ZNF462: variants seen among roughly 807,000 people sequenced by gnomAD.
The protein encoded by ZNF462 is zinc finger protein 462.
Under a neutral mutation model 201.9 loss-of-function variants are expected in ZNF462, and 10 were observed. That is an observed-to-expected ratio of 0.05 (90% CI 0.03 to 0.08). The LOEUF is 0.08. Ranked by LOEUF, ZNF462 falls within the 10% of genes least tolerant of loss-of-function variation. The pLI is 1.00. For missense variants in ZNF462, 2,523 were observed against 3,168.3 expected, an observed-to-expected ratio of 0.80 and a Z score of 4.89; for synonymous variants, 1,227 against 1,193.3, an observed-to-expected ratio of 1.03 and a Z score of -0.58.
Position 106,954,246 on chromosome 9 carries a change from T to C in ZNF462, c.6427+15139T>C, listed in dbSNP as rs1046338993. Among the ~76,000 whole-genome samples the C allele has an allele frequency of 6.6e-5, 10 of 152,160 alleles. No homozygotes were observed. The highest frequency in any genetic ancestry group is 1.2e-4 in the Non-Finnish European group (8 of 67,996). On this transcript the variant is annotated intron_variant, in intron 7 of 12. Transcript: ENST00000277225. This position sits in a 1 kb window ranked among gnomAD's most constrained non-coding sequence, Gnocchi z 4.0. The stretch of plus-strand genomic sequence containing the variant: ...GGCTAGGGAGGCCTCAGGAAACTTA[T>C]AATCAAGGTGGAAGGCAAAGGGGGA...
chr9:106,973,406 G>T (rs1826741578), intron 8 of ZNF462, among the ~76,000 whole-genome samples: 1 of 152,146 alleles, frequency 6.6e-6, no homozygotes. Flanking sequence ...ATTTGCTCCA[G>T]TTACTTTTCA....
intron 1 of ZNF462, among the ~76,000 whole-genome samples, chr9:106,898,061 G>C: frequency 6.6e-6 from 1 of 152,148 alleles, no homozygotes; most frequent in East Asian, 1.9e-4. Flanking sequence ...TTCTCAAAAG[G>C]GATGCATGTT....
intron 10 of ZNF462, among the ~76,000 whole-genome samples, chr9:106,991,839 T>TCTAC (rs941555040): frequency 7.3e-6 from 1 of 136,260 alleles, no homozygotes; most frequent in African/African-American, 2.8e-5. Context: ...CAGCACTCTC[T>TCTAC]ACACACACAC....
chr9:106,925,932 A>G lies in ZNF462; in HGVS notation c.2020A>G (p.Lys674Glu). 1.2e-6 allele frequency: 2 copies of G among 1,614,196 alleles called. No individual in the cohort carries two copies. The highest frequency in any genetic ancestry group is 1.7e-6 in the Non-Finnish European group (2 of 1,180,024). ...GLSSKNNFVA[K>E]ASRKLANDFP... ...GTCCTCCAAGAACAATTTTGTAGCT[A>G]AAGCCTCTAGGAAGCTCGCCAATGA... Residue 674 changes from lysine to glutamate, a missense_variant, in exon 3 of 13, where the codon AAA becomes GAA. Transcript: ENST00000277225. This position sits in a 1 kb window ranked among gnomAD's most constrained non-coding sequence, Gnocchi z 7.9.
Position 106,928,644 on chromosome 9 carries a change from C to T in ZNF462, c.4732C>T (p.Arg1578Trp), listed in dbSNP as rs377514640. 2.5e-6 allele frequency: 4 copies of T among 1,614,140 alleles called. No homozygotes were observed. The highest frequency in any genetic ancestry group is 1.1e-5 in the South Asian group (1 of 91,074). The change falls in exon 3 of 13, where the codon CGG (arginine) becomes TGG (tryptophan). Residue 1578 changes from arginine (R) to tryptophan (W), a missense_variant. By Grantham distance (101) the Arg-to-Trp change is moderately radical. Coordinates refer to ENST00000277225, the MANE Select transcript of ZNF462 (RefSeq NM_021224.6). The surrounding 1 kb of genome is among the most constrained non-coding windows in gnomAD (Gnocchi z 9.3). ...RIFKQGYGAY[R>W]CKLCPYTHGT... ...CTTCAAGCAAGGGTATGGCGCCTAC[C>T]GGTGCAAACTGTGTCCGTACACACA...
At chr9:106,979,787 T>G (rs2132179449) in intron 9 of ZNF462, among the ~76,000 whole-genome samples, 1 of 152,312 alleles carries the variant, frequency 6.6e-6, no homozygotes, top group Middle Eastern at 3.4e-3. Flanking sequence ...ACATCCATAG[T>G]GAGCCTTAAA....
chr9:106,904,166 T>C (rs1364018376), intron 1 of ZNF462, among the ~76,000 whole-genome samples: 1 of 106,436 alleles, frequency 9.4e-6, no homozygotes, highest in Non-Finnish European at 2.1e-5. Flanking sequence ...TGAAAACAAG[T>C]GTATCTTTCC....
chr9:106,940,113 G>T (rs1005907204), intron 7 of ZNF462, among the ~76,000 whole-genome samples: 1 of 152,182 alleles, frequency 6.6e-6, no homozygotes, highest in Non-Finnish European at 1.5e-5. Context: ...TTCTCTCGAT[G>T]ATGGTCACGT....
Position 107,003,361 on chromosome 9 carries a change from T to C in ZNF462, c.7124T>C (p.Met2375Thr), listed in dbSNP as rs775676055. The C allele has an allele frequency of 2.5e-6, 4 of 1,613,720 alleles. No individual in the cohort carries two copies. The highest frequency in any genetic ancestry group is 3.4e-6 in the Non-Finnish European group (4 of 1,179,882). Residue 2375 changes from methionine to threonine, a missense_variant, in exon 11 of 13, where the codon ATG becomes ACG. By Grantham distance (81) the Met-to-Thr change is moderately conservative (BLOSUM62 -1). This residue lies in a region of ZNF462 where 228 missense variants were observed against 361.2 expected (regional missense o/e 0.63). Coordinates refer to ENST00000277225, the MANE Select transcript of ZNF462 (RefSeq NM_021224.6). The surrounding 1 kb of genome is among the most constrained non-coding windows in gnomAD (Gnocchi z 4.4). ...CAGCTGGAACAGATGAAGGAGAAAATGGAGAGCTCCAGCAGCGATGATGAG... is the reference window on the plus strand; with the variant it reads ...CAGCTGGAACAGATGAAGGAGAAAACGGAGAGCTCCAGCAGCGATGATGAG... ...LDQLEQMKEK[M>T]ESSSSDDEDK...
chr9:106,907,999 T>C (rs1279760532), intron 1 of ZNF462, among the ~76,000 whole-genome samples: 3 of 152,040 alleles, frequency 2.0e-5, no homozygotes, highest in South Asian at 2.1e-4. Flanking sequence ...CTCAAATGTT[T>C]GGGATTTTTC....
At chr9:107,007,756 T>C (rs1390414817) in intron 11 of ZNF462, among the ~76,000 whole-genome samples, 1 of 152,126 alleles carries the variant, frequency 6.6e-6, no homozygotes, top group Non-Finnish European at 1.5e-5. Flanking sequence ...GGAGGTGGCT[T>C]GCGTGCAGCT....
At chr9:106,958,975 C>T (rs1450056127) in intron 7 of ZNF462, among the ~76,000 whole-genome samples, 1 of 152,088 alleles carries the variant, frequency 6.6e-6, no homozygotes, top group Non-Finnish European at 1.5e-5. Flanking sequence ...GAAATAGACC[C>T]CAGAATCATT....
intron 10 of ZNF462, among the ~76,000 whole-genome samples, chr9:106,997,130 G>C (rs1309459217): frequency 6.6e-6 from 1 of 151,922 alleles, no homozygotes; most frequent in African/African-American, 2.4e-5. Flanking sequence ...GCTTTATTGA[G>C]GTATAATTGA....
Position 107,010,868 on chromosome 9 carries a change from A to G in ZNF462, c.7359A>G (p.Pro2453=), listed in dbSNP as rs376974247. ...AGGTGAGCAGAGAAGAAATCCACCC[A>G]AAAGAGATCATGGAGAACAGTGTTA... The part of the protein sequence containing the change: ...TKQVSREEIH[P]KEIMENSVKM... The change falls in exon 13 of 13, where the codon CCA becomes CCG. Residue 2453 remains proline, a synonymous_variant. Transcript: ENST00000277225. This position sits in a 1 kb window ranked among gnomAD's most constrained non-coding sequence, Gnocchi z 4.6. The G allele has an allele frequency of 1.3e-5, 21 of 1,613,264 alleles. No homozygotes were observed. In the African/African-American group the frequency reaches 2.8e-4, roughly 22 times the overall value.
chr9:106,971,663 A>G (rs1008375518), intron 7 of ZNF462, among the ~76,000 whole-genome samples: 1 of 152,058 alleles, frequency 6.6e-6, no homozygotes, highest in Non-Finnish European at 1.5e-5. Flanking sequence ...AGTTCTAGGG[A>G]TCCAATGTGC....
rs765428860 is a variant in ZNF462, at chr9:106,926,761, C to T, written c.2849C>T (p.Thr950Met). The change falls in exon 3 of 13, where the codon ACG becomes ATG. Residue 950 changes from threonine to methionine, a missense_variant. Thr to Met is a moderately conservative substitution (Grantham distance 81). Around this residue, in one of 15 missense-constraint regions of ZNF462, gnomAD observed 280 missense variants for 321.3 expected, o/e 0.87. Coordinates refer to ENST00000277225, the MANE Select transcript of ZNF462 (RefSeq NM_021224.6). The surrounding 1 kb of genome is among the most constrained non-coding windows in gnomAD (Gnocchi z 7.9). ...CCACATTACCAAAGAATGCATCCCACGGTGAAGATCAACAACGCGATGATA... is the reference window on the plus strand; with the variant it reads ...CCACATTACCAAAGAATGCATCCCATGGTGAAGATCAACAACGCGATGATA... ...LMPHYQRMHP[T>M]VKINNAMIFS... 1.2e-5 allele frequency: 19 copies of T among 1,614,004 alleles called. No individual in the cohort carries two copies. Among genetic ancestry groups the T allele is most frequent in the African/African-American group, 2.7e-5 (2 of 74,904 alleles).
In ZNF462 at chr9:106,926,247, C is replaced by T; in HGVS notation, c.2335C>T (p.His779Tyr). The T allele has an allele frequency of 2.5e-6, 4 of 1,614,168 alleles. No individual in the cohort carries two copies. Among genetic ancestry groups the T allele is most frequent in the Non-Finnish European group, 3.4e-6 (4 of 1,180,032 alleles). ...QKEPNFRNIT[H>Y]DYNATNGAEI... ...AGAGCCCAACTTCAGAAACATCACC[C>T]ACGATTACAATGCCACCAATGGGGC... Residue 779 changes from histidine to tyrosine, a missense_variant, in exon 3 of 13, where the codon CAC becomes TAC. By Grantham distance (83) the His-to-Tyr change is moderately conservative. Coordinates refer to ENST00000277225, the MANE Select transcript of ZNF462 (RefSeq NM_021224.6). The surrounding 1 kb of genome is among the most constrained non-coding windows in gnomAD (Gnocchi z 7.9).
rs1160649893 is a variant in ZNF462, at chr9:106,927,559, A to G, written c.3647A>G (p.His1216Arg). 1.2e-6 allele frequency: 2 copies of G among 1,613,850 alleles called. No individual in the cohort carries two copies. Among genetic ancestry groups the G allele is most frequent in the African/African-American group, 1.3e-5 (1 of 74,860 alleles). The part of the protein sequence containing the change: ...KGVLIHYQKK[H>R]RDFKANADVI... Reference sequence around the variant, plus strand: ...GTACTCATTCATTATCAGAAGAAGCACCGAGACTTCAAGGCCAATGCAGAT... The same window carrying G: ...GTACTCATTCATTATCAGAAGAAGCGCCGAGACTTCAAGGCCAATGCAGAT... Residue 1216 changes from histidine (H) to arginine (R), a missense_variant, in exon 3 of 13, where the codon CAC (histidine) becomes CGC (arginine). By Grantham distance (29) the His-to-Arg change is conservative. This residue lies in a region of ZNF462 where 222 missense variants were observed against 271.6 expected (regional missense o/e 0.82). Coordinates refer to ENST00000277225, the MANE Select transcript of ZNF462 (RefSeq NM_021224.6).
intron 1 of ZNF462, among the ~76,000 whole-genome samples, chr9:106,891,363 C>T (rs1828568331): frequency 6.6e-6 from 1 of 152,068 alleles, no homozygotes; most frequent in Non-Finnish European, 1.5e-5. Context: ...TTATCTGTGT[C>T]CTCTGAAAGT....
Sources: allele counts gnomAD v4.1 joint callset (sites outside exome capture counted in the v4.1 genomes callset), GRCh38; gene constraint gnomAD v4.1.1; regional missense constraint gnomAD v4.1.1; non-coding constraint Gnocchi (gnomAD v3.1); transcripts MANE v1.5; gene names NCBI Gene and HGNC (gene_info 2026-07-23, HGNC 2026-07-21).